NLN: variants seen among roughly 807,000 people sequenced by gnomAD.
NLN encodes the protein neurolysin.
Under a neutral mutation model 79.9 loss-of-function variants are expected in NLN, and 64 were observed. The observed-to-expected ratio is 0.80, with a 90% confidence interval of 0.65 to 0.99. The LOEUF (loss-of-function observed/expected upper bound fraction) is 0.99, where lower values mean the gene tolerates loss of function less well. Ranked by LOEUF, NLN falls within the 50% of genes least tolerant of loss-of-function variation. The pLI is 0.00. For synonymous variants in NLN, 267 were observed against 296.6 expected (o/e 0.90, Z 1.02); for missense variants, 835 against 858.7 (o/e 0.97, Z 0.34).
At chr5:65,819,866 A>G (rs1760756476) in intron 12 of NLN, among the ~76,000 whole-genome samples, 2 of 152,210 alleles carry the variant, frequency 1.3e-5, no homozygotes, top group African/African-American at 2.4e-5. Flanking sequence ...AAGAAAAGCA[A>G]GATCCTGTTA....
chr5:65,754,694 A>G (rs1468661012), intron 1 of NLN, among the ~76,000 whole-genome samples: 1 of 152,078 alleles, frequency 6.6e-6, no homozygotes, highest in Non-Finnish European at 1.5e-5. Context: ...CACACCCCAT[A>G]CCACAAAGTA....
intron 1 of NLN, among the ~76,000 whole-genome samples, chr5:65,728,679 C>T (rs1758535751): frequency 2.0e-5 from 3 of 152,054 alleles, no homozygotes; most frequent in African/African-American, 7.2e-5. Flanking sequence ...TTATAATTTG[C>T]ATTTTCATAC....
At chr5:65,739,020 A>C (rs1009371508) in intron 1 of NLN, among the ~76,000 whole-genome samples, 1 of 142,356 alleles carries the variant, frequency 7.0e-6, no homozygotes, top group Non-Finnish European at 1.5e-5. Context: ...ATTTATATAT[A>C]TAAATATATA....
chr5:65,789,197 C>T (rs1760002499), intron 8 of NLN, among the ~76,000 whole-genome samples: 1 of 152,124 alleles, frequency 6.6e-6, no homozygotes, highest in South Asian at 2.1e-4. Flanking sequence ...TCTTAGTATA[C>T]AGATTTAAAA....
intron 9 of NLN, among the ~76,000 whole-genome samples, chr5:65,802,551 G>C (rs747104923): frequency 4.6e-5 from 7 of 152,230 alleles, no homozygotes; most frequent in Non-Finnish European, 1.0e-4. Flanking sequence ...AGCATGGCGA[G>C]CAAGGGGCAT....
rs998712655 is a variant in NLN, at chr5:65,825,195, T to C, written c.*2280T>C. ...CATAATTCAAAAGAAAGGACTTAAC[T>C]TTTTTTTTTTTAGTGTGGTCATCCG... is the stretch of plus-strand genomic sequence containing the variant. On this transcript the variant is annotated 3_prime_UTR_variant, in exon 13 of 13. Transcript: ENST00000380985. The C allele has an allele frequency of 6.9e-6, 1 of 145,180 alleles. No individual in the cohort carries two copies. Among genetic ancestry groups the C allele is most frequent in the African/African-American group, 2.5e-5 (1 of 40,098 alleles). 9.0% of individuals were successfully genotyped at this position (145,180 alleles called of 1,614,324 possible).
chr5:65,817,623 A>G (rs1760698030), intron 12 of NLN, among the ~76,000 whole-genome samples: 1 of 152,230 alleles, frequency 6.6e-6, no homozygotes, highest in Non-Finnish European at 1.5e-5. Flanking sequence ...AGAAATTGCT[A>G]AGCTTTGTTT....
chr5:65,792,365 A>T, intron 8 of NLN, 89 bp from the exon 9 acceptor site: 1 of 771,084 alleles, frequency 1.3e-6, no homozygotes, highest in Non-Finnish European at 2.2e-6. Flanking sequence ...CTGGTAACAG[A>T]TATGGCTTAA....
rs978614264 is a variant in NLN, at chr5:65,809,380, G to A, written c.1528-135G>A. On this transcript the variant is annotated intron_variant, in intron 9 of 12. Coordinates refer to ENST00000380985, the MANE Select transcript of NLN (RefSeq NM_020726.5). ...GTGTTTTATTTTCACTTGACTATGA[G>A]GTTATTCTAACCCCTCATTCAGAGG... The A allele has an allele frequency of 1.5e-5, 10 of 677,022 alleles. 1 individual carries two copies. In the African/African-American group the frequency reaches 1.6e-4, roughly 11 times the overall value. The allele number at this position is 677,022 out of a possible 1,614,324, so 41.9% of individuals were successfully genotyped here.
rs1050083866 is a variant in NLN, at chr5:65,826,020, T to C, written c.*3105T>C. The C allele has an allele frequency of 1.3e-5, 2 of 152,224 alleles. No individual in the cohort carries two copies. The highest frequency in any genetic ancestry group is 2.4e-5 in the African/African-American group (1 of 41,456). 9.4% of individuals were successfully genotyped at this position (152,224 alleles called of 1,614,324 possible). ...GGGTGGCTTCAAAAGCAGACATTTC[T>C]TACAGTTCTGGAAGCTGGGAAGTCC... On this transcript the variant is annotated 3_prime_UTR_variant, in exon 13 of 13. Transcript: ENST00000380985.
chr5:65,764,621 T>C (rs545567271), intron 3 of NLN, among the ~76,000 whole-genome samples: 75 of 152,342 alleles, frequency 4.9e-4, no homozygotes, highest in African/African-American at 1.8e-3. Context: ...TGGCACACTA[T>C]AGTGACCTGA....
intron 12 of NLN, among the ~76,000 whole-genome samples, chr5:65,819,587 G>A (rs1023481495): frequency 6.6e-6 from 1 of 152,146 alleles, no homozygotes; most frequent in African/African-American, 2.4e-5. Context: ...GATGACACTG[G>A]TTTTCCTCCA....
chr5:65,785,408 A>G (rs902473660), intron 6 of NLN, among the ~76,000 whole-genome samples: 4 of 152,226 alleles, frequency 2.6e-5, no homozygotes, highest in South Asian at 4.1e-4. Context: ...ATTTTACCAC[A>G]ATAAAAATGT....
intron 1 of NLN, among the ~76,000 whole-genome samples, chr5:65,744,472 C>CTTTTTTTTTTTTT (rs199944194): frequency 7.2e-6 from 1 of 139,594 alleles, no homozygotes; most frequent in African/African-American, 2.6e-5. Flanking sequence ...TCTCTCTCCC[C>CTTTTTTTTTTTTT]TTTTTTTTTT....
intron 1 of NLN, among the ~76,000 whole-genome samples, chr5:65,742,219 A>T (rs1758882914): frequency 6.6e-6 from 1 of 152,124 alleles, no homozygotes; most frequent in Non-Finnish European, 1.5e-5. Context: ...TTTTTTAAAA[A>T]AATGGATCAT....
At chr5:65,735,528 G>T (rs148675182) in intron 1 of NLN, among the ~76,000 whole-genome samples, 79 of 152,100 alleles carry the variant, frequency 5.2e-4, no homozygotes, top group Non-Finnish European at 1.0e-3. Flanking sequence ...CCAAGTCCTG[G>T]ATAGTCTTCA....
chr5:65,778,924 C>T (rs1012106773), intron 4 of NLN, among the ~76,000 whole-genome samples: 5 of 152,070 alleles, frequency 3.3e-5, no homozygotes, highest in South Asian at 2.1e-4. Flanking sequence ...CAATGGAATA[C>T]GAGGCCTGGG....
intron 3 of NLN, among the ~76,000 whole-genome samples, chr5:65,763,563 G>A (rs377445037): frequency 3.4e-4 from 52 of 152,114 alleles, no homozygotes; most frequent in African/African-American, 1.2e-3. Context: ...GATAATAAAT[G>A]TTCTAGGTGG....
chr5:65,726,587 G>A (rs548743447), intron 1 of NLN, among the ~76,000 whole-genome samples: 100 of 152,260 alleles, frequency 6.6e-4, no homozygotes, highest in African/African-American at 2.3e-3. Context: ...CTACCTTTAA[G>A]GTTTGTGGAC....
Sources: gnomAD v4.1 joint callset for allele counts (sites outside exome capture counted in the v4.1 genomes callset) on GRCh38, gnomAD v4.1.1 for gene constraint, MANE v1.5 for transcripts, NCBI Gene and HGNC (gene_info 2026-07-23, HGNC 2026-07-21) for gene names.